Variants in KSR2 observed in about 807,000 individuals in gnomAD.
KSR2 encodes kinase suppressor of ras 2.
Under a neutral mutation model 107.8 loss-of-function variants are expected in KSR2, and 25 were observed. The ratio of observed to expected loss-of-function variants is 0.23; its 90% CI spans 0.17 to 0.32. The LOEUF (loss-of-function observed/expected upper bound fraction) is 0.32, where lower values mean the gene tolerates loss of function less well. Among genes scored for constraint, KSR2 ranks in the 10% least tolerant of loss-of-function variants. The pLI, the probability that KSR2 is intolerant of heterozygous loss-of-function variation, is 1.00. For missense variants in KSR2, 887 were observed against 1,268.9 expected (o/e 0.70, Z 4.57); for synonymous variants, 480 against 507.0 (o/e 0.95, Z 0.71).
chr12:117,968,004 A>C, intron 1 of KSR2, 72 bp downstream of exon 1: 1 of 1,288,544 alleles, frequency 7.8e-7, no homozygotes. Context: ...GACCGTGGGG[A>C]GAAAGGAGGG....
chr12:117,597,023 T>C (rs1565918476), intron 5 of KSR2, among the ~76,000 whole-genome samples: 1 of 152,230 alleles, frequency 6.6e-6, no homozygotes, highest in Non-Finnish European at 1.5e-5. Flanking sequence ...TTTTTCTCCA[T>C]GGCCAGTGCT....
intron 1 of KSR2, among the ~76,000 whole-genome samples, chr12:117,947,259 A>AG (rs1896230157): frequency 1.5e-5 from 1 of 67,554 alleles, no homozygotes; most frequent in African/African-American, 5.4e-5. Flanking sequence ...GAAAGAAAGA[A>AG]GATAAACCAC....
chr12:117,968,913 G>A lies in KSR2; in HGVS notation c.-658C>T. The stretch of plus-strand genomic sequence containing the variant: ...CCGCGCTGCTGCTGCTGCTGCTGCT[G>A]CCGCCGCCGGGCTCCGGGGGTGACG... On this transcript the variant is annotated 5_prime_UTR_variant, in exon 1 of 20. An upstream open reading frame in the 5' UTR gains an earlier in-frame stop. Transcript: ENST00000339824. 1 of 254,606 alleles carries A rather than the reference G, an allele frequency of 3.9e-6. No homozygotes were observed. Among genetic ancestry groups the A allele is most frequent in the Non-Finnish European group, 7.8e-6 (1 of 128,050 alleles). The allele number at this position is 254,606 out of a possible 1,614,324, so 15.8% of individuals were successfully genotyped here.
chr12:117,590,097 C>T (rs912537160), intron 5 of KSR2, among the ~76,000 whole-genome samples: 1 of 152,230 alleles, frequency 6.6e-6, no homozygotes. Flanking sequence ...AGAGAAGTTT[C>T]CTGGGGCTCC....
intron 4 of KSR2, among the ~76,000 whole-genome samples, chr12:117,702,032 C>G (rs1448755932): frequency 6.6e-6 from 1 of 152,228 alleles, no homozygotes; most frequent in Non-Finnish European, 1.5e-5. Context: ...TTCCCACTTG[C>G]TCTTTCTCCT....
At chr12:117,946,608 C>T (rs1896186721) in intron 1 of KSR2, among the ~76,000 whole-genome samples, 1 of 151,918 alleles carries the variant, frequency 6.6e-6, no homozygotes, top group African/African-American at 2.4e-5. Flanking sequence ...CACAAACACA[C>T]AAAAAATTAC....
At chr12:117,509,291 T>C (rs1357385473) in intron 14 of KSR2, among the ~76,000 whole-genome samples, 1 of 152,134 alleles carries the variant, frequency 6.6e-6, no homozygotes, top group Non-Finnish European at 1.5e-5. Flanking sequence ...CCTCTTTGCA[T>C]TCAGCACCTG....
At chr12:117,955,016 C>CAAAA (rs377637674) in intron 1 of KSR2, among the ~76,000 whole-genome samples, 1 of 122,360 alleles carries the variant, frequency 8.2e-6, no homozygotes, top group African/African-American at 3.0e-5. Flanking sequence ...GACCCTGTCT[C>CAAAA]AAAAAAAAAA....
chr12:117,507,407 C>G (rs531490079), intron 14 of KSR2, among the ~76,000 whole-genome samples: 2 of 152,330 alleles, frequency 1.3e-5, no homozygotes, highest in Admixed American at 6.5e-5. Flanking sequence ...TGAGACTTGA[C>G]CCCAAAGGAC....
At chr12:117,891,593 T>A (rs564370170) in intron 1 of KSR2, among the ~76,000 whole-genome samples, 22 of 152,170 alleles carry the variant, frequency 1.4e-4, no homozygotes, top group South Asian at 2.1e-4. Flanking sequence ...TTAAATTTTT[T>A]AAAAAATGAA....
chr12:117,601,923 G>A (rs1880979757), intron 5 of KSR2, among the ~76,000 whole-genome samples: 1 of 152,092 alleles, frequency 6.6e-6, no homozygotes, highest in Non-Finnish European at 1.5e-5. Context: ...AACATTTTCA[G>A]TACAGTGCCA....
At chr12:117,689,200 T>G (rs1885716203) in intron 4 of KSR2, among the ~76,000 whole-genome samples, 1 of 152,224 alleles carries the variant, frequency 6.6e-6, no homozygotes, top group African/African-American at 2.4e-5. Context: ...TATGTGCTGT[T>G]TGGCAGTTTG....
intron 1 of KSR2, among the ~76,000 whole-genome samples, chr12:117,895,040 G>T (rs370156694): frequency 6.6e-6 from 1 of 151,748 alleles, no homozygotes. Flanking sequence ...GACCAGCCTG[G>T]GCAATACAGT....
At chr12:117,752,531 C>T (rs1345563900) in intron 4 of KSR2, among the ~76,000 whole-genome samples, 2 of 152,116 alleles carry the variant, frequency 1.3e-5, no homozygotes, top group African/African-American at 4.8e-5. Context: ...AATAAATGCA[C>T]ACAAGGATTT....
chr12:117,551,154 TA>T (rs2137320951), intron 9 of KSR2, among the ~76,000 whole-genome samples: 1 of 152,298 alleles, frequency 6.6e-6, no homozygotes, highest in Non-Finnish European at 1.5e-5. Context: ...CTTGGTCCCA[TA>T]AGGAATTGGC....
chr12:117,535,237 C>G (rs1168516137), intron 10 of KSR2, among the ~76,000 whole-genome samples: 2 of 152,166 alleles, frequency 1.3e-5, no homozygotes, highest in Non-Finnish European at 2.9e-5. Context: ...CAGCCCTGGG[C>G]AGTGCATGAA....
chr12:117,639,965 T>C (rs1883284635), intron 5 of KSR2, among the ~76,000 whole-genome samples: 1 of 152,130 alleles, frequency 6.6e-6, no homozygotes, highest in Admixed American at 6.5e-5. Flanking sequence ...GCTTAAGCTT[T>C]GTCACAAAGC....
chr12:117,966,619 G>GCACACACA (rs1488587930), intron 1 of KSR2, among the ~76,000 whole-genome samples: 1 of 130,016 alleles, frequency 7.7e-6, no homozygotes, highest in Non-Finnish European at 1.6e-5. Flanking sequence ...TCTCACACGC[G>GCACACACA]CACGCACACA....
At chr12:117,504,576 T>C (rs1035946062) in intron 14 of KSR2, among the ~76,000 whole-genome samples, 2 of 152,140 alleles carry the variant, frequency 1.3e-5, no homozygotes, top group African/African-American at 4.8e-5. Flanking sequence ...GGTGGAGATA[T>C]GGGGATCTTA....
Sources: allele counts gnomAD v4.1 joint callset (sites outside exome capture counted in the v4.1 genomes callset), GRCh38; gene constraint gnomAD v4.1.1; transcripts MANE v1.5; gene names NCBI Gene and HGNC (gene_info 2026-07-23, HGNC 2026-07-21).